Variants in MIIP observed in about 807,000 individuals in gnomAD.
MIIP encodes the protein migration and invasion-inhibitory protein.
A neutral mutation model predicts 44.8 loss-of-function variants in MIIP; 44 were observed. That is an observed-to-expected ratio of 0.98 (90% CI 0.77 to 1.26). The LOEUF is 1.26. Ranked by LOEUF, MIIP falls within the 50% of genes most tolerant of loss-of-function variation. The pLI, the probability that MIIP is intolerant of heterozygous loss-of-function variation, is 0.00. For missense variants in MIIP, 496 were observed against 511.7 expected, an observed-to-expected ratio of 0.97 and a Z score of 0.30; for synonymous variants, 225 against 218.3, an observed-to-expected ratio of 1.03 and a Z score of -0.27.
chr1:12,027,475 C>T (rs1400670150), intron 4 of MIIP, among the ~76,000 whole-genome samples: 2 of 152,176 alleles, frequency 1.3e-5, no homozygotes, highest in Non-Finnish European at 2.9e-5. Context: ...AGCACTTTCT[C>T]CCCTGGACTT....
In MIIP at chr1:12,031,347, G is replaced by T; in HGVS notation, c.1024G>T (p.Val342Phe). The T allele has an allele frequency of 1.2e-6, 2 of 1,613,958 alleles. No individual in the cohort carries two copies. The highest frequency in any genetic ancestry group is 1.7e-6 in the Non-Finnish European group (2 of 1,179,942). Residue 342 changes from valine (V) to phenylalanine (F), a missense_variant, in exon 9 of 10, where the codon GTC becomes TTC. Physicochemically the swap from Val to Phe is conservative, Grantham distance 50. Transcript: ENST00000235332. Reference protein sequence around the residue: ...APRNLDLWSSVSAEAQHQKLS... With the variant: ...APRNLDLWSSFSAEAQHQKLS... ...CAGGAACCTGGACCTCTGGTCCTCTGTCTCCGCTGAGGCCCAGCACCAGAA... is the reference window on the plus strand; with the variant it reads ...CAGGAACCTGGACCTCTGGTCCTCTTTCTCCGCTGAGGCCCAGCACCAGAA...
At chr1:12,022,022 C>T in intron 2 of MIIP, 73 bp from the exon 3 acceptor site, 1 of 1,513,238 alleles carries the variant, frequency 6.6e-7, no homozygotes, top group Non-Finnish European at 9.0e-7. Context: ...GGATGCTTGC[C>T]TTGGTGCCTG....
intron 1 of MIIP, among the ~76,000 whole-genome samples, chr1:12,020,464 T>C (rs867184786): frequency 2.0e-5 from 3 of 152,228 alleles, no homozygotes; most frequent in South Asian, 4.1e-4. Context: ...TGTATACCAC[T>C]GTAAGCACTG....
chr1:12,024,742 C>T (rs1640064514), intron 4 of MIIP, among the ~76,000 whole-genome samples: 2 of 152,134 alleles, frequency 1.3e-5, no homozygotes, highest in East Asian at 1.9e-4. Context: ...GACTGTTAAG[C>T]GGCGTCAACT....
chr1:12,029,122 T>C lies in MIIP; in HGVS notation c.637T>C (p.Cys213Arg), dbSNP rs752755073. 4 of 1,613,582 alleles carry C rather than the reference T, an allele frequency of 2.5e-6. No individual in the cohort carries two copies. Among genetic ancestry groups the C allele is most frequent in the African/African-American group, 2.7e-5 (2 of 74,794 alleles). ...QEFRETNKEECICSHPEPQLP... is the reference protein window; with the variant it reads ...QEFRETNKEERICSHPEPQLP... ...GTTTCGGGAAACCAACAAGGAGGAGTGTATCTGCAGCCATCCTGAGTGAGC... is the reference window on the plus strand; with the variant it reads ...GTTTCGGGAAACCAACAAGGAGGAGCGTATCTGCAGCCATCCTGAGTGAGC... Residue 213 changes from cysteine (C) to arginine (R), a missense_variant, in exon 5 of 10, where the codon TGT becomes CGT. Physicochemically the swap from Cys to Arg is radical, Grantham distance 180. Transcript: ENST00000235332.
intron 4 of MIIP, 62 bp downstream of exon 4, chr1:12,022,979 C>A: frequency 1.5e-6 from 2 of 1,325,018 alleles, no homozygotes; most frequent in Non-Finnish European, 2.1e-6. Flanking sequence ...GGCCTGGGAT[C>A]CTCCATGCTC....
At chr1:12,021,340 G>T (rs1380492206) in intron 1 of MIIP, among the ~76,000 whole-genome samples, 1 of 150,954 alleles carries the variant, frequency 6.6e-6, no homozygotes, top group Non-Finnish European at 1.5e-5. Flanking sequence ...CTTGCAGTGA[G>T]CCGAGATTGC....
rs1404971632 is a variant in MIIP, at chr1:12,021,730, G to T, written c.4G>T (p.Val2Leu). 3.7e-6 allele frequency: 6 copies of T among 1,612,552 alleles called. No individual in the cohort carries two copies. In the African/African-American group the frequency reaches 5.3e-5, roughly 14 times the overall value. The part of the protein sequence containing the change: M[V>L]EAEELAQLRL... ...CACCTGCTGAGAGAGGCCCAGGATG[G>T]TGGAGGCTGAGGAACTGGCACAGCT... is the stretch of plus-strand genomic sequence containing the variant. Residue 2 changes from valine to leucine, a missense_variant, in exon 2 of 10, where the codon GTG becomes TTG. Coordinates refer to ENST00000235332, the MANE Select transcript of MIIP (RefSeq NM_021933.4).
intron 8 of MIIP, among the ~76,000 whole-genome samples, chr1:12,030,484 C>A (rs1027817039): frequency 6.6e-6 from 1 of 151,642 alleles, no homozygotes; most frequent in African/African-American, 2.4e-5. Flanking sequence ...GGTGGGGAGA[C>A]CGAAGCAGAG....
rs777563939 is a variant in MIIP, at chr1:12,024,862, GC to G, written c.547+1948del. Among the ~76,000 whole-genome samples the G allele has an allele frequency of 9.1e-4, 138 of 151,936 alleles. 1 individual carries two copies. The highest frequency in any genetic ancestry group is 2.6e-3 in the Admixed American group (40 of 15,246). On this transcript the variant is annotated intron_variant, in intron 4 of 9. Transcript: ENST00000235332. Reference sequence around the variant, plus strand: ...ATTACTCCCATTCCCCCTCCCTCCAGCCCTGGACAGTCACCATTCTACTTTC... The same window carrying G: ...ATTACTCCCATTCCCCCTCCCTCCAGCCTGGACAGTCACCATTCTACTTTC...
rs1331162639 is a variant in MIIP, at chr1:12,028,405, A to T, written c.548-628A>T. Among the ~76,000 whole-genome samples, 2 of 151,566 alleles carry T rather than the reference A, an allele frequency of 1.3e-5. 1 individual carries two copies. Among genetic ancestry groups the T allele is most frequent in the Admixed American group, 1.3e-4 (2 of 15,230 alleles). ...GACCCTCCCTGGGCTTCTTAACCTC[A>T]TCTCCTCCACCCTCGCTGCCTTCCT... is the stretch of plus-strand genomic sequence containing the variant. On this transcript the variant is annotated intron_variant, in intron 4 of 9. Coordinates refer to ENST00000235332, the MANE Select transcript of MIIP (RefSeq NM_021933.4).
chr1:12,031,763 A>G lies in MIIP; in HGVS notation c.1122A>G (p.Ser374=). The G allele has an allele frequency of 6.2e-7, 1 of 1,613,958 alleles. No individual in the cohort carries two copies. The highest frequency in any genetic ancestry group is 1.1e-5 in the South Asian group (1 of 91,074). ...TGCTGCCCCCGACCCCGACCTGGTC[A>G]GTGCCCCAGGTCCCTCGGCCCCACG... is the stretch of plus-strand genomic sequence containing the variant. ...MQMLPPTPTW[S]VPQVPRPHVP... is the part of the protein sequence containing the mutation. Residue 374 remains serine (S), a synonymous_variant, in exon 10 of 10, where the codon TCA becomes TCG. Transcript: ENST00000235332.
intron 3 of MIIP, 23 bp downstream of exon 3, chr1:12,022,465 C>T (rs1640004190): frequency 6.7e-7 from 1 of 1,483,472 alleles, no homozygotes; most frequent in Non-Finnish European, 9.0e-7. Context: ...AGCGGGACAT[C>T]TGCTGATGGG....
chr1:12,029,949 T>C, intron 7 of MIIP, 55 bp downstream of exon 7: 1 of 1,608,804 alleles, frequency 6.2e-7, no homozygotes, highest in Non-Finnish European at 8.5e-7. Context: ...ACCACTGGTT[T>C]TAAGAAAAGA....
At chr1:12,028,549 C>T (rs1218265802) in intron 4 of MIIP, among the ~76,000 whole-genome samples, 1 of 152,164 alleles carries the variant, frequency 6.6e-6, no homozygotes, top group Non-Finnish European at 1.5e-5. Flanking sequence ...TGTGGCTTCT[C>T]CATGTCTCTG....
intron 2 of MIIP, 82 bp from the exon 3 acceptor site, chr1:12,022,013 G>A: frequency 6.8e-7 from 1 of 1,469,930 alleles, no homozygotes; most frequent in Non-Finnish European, 9.4e-7. Flanking sequence ...GCAGGATGAG[G>A]ATGCTTGCCT....
chr1:12,028,645 C>A, intron 4 of MIIP: 1 of 176,556 alleles, frequency 5.7e-6, no homozygotes, highest in South Asian at 1.3e-4. Flanking sequence ...TGCTTTCTGG[C>A]AGGTATCAGC....
rs1468198538 is a variant in MIIP, at chr1:12,031,303, CTG to C, written c.981_982del (p.Ser330LeufsTer15). 4 of 1,613,864 alleles carry C rather than the reference CTG, an allele frequency of 2.5e-6. No homozygotes were observed. Among genetic ancestry groups the C allele is most frequent in the Non-Finnish European group, 3.4e-6 (4 of 1,179,926 alleles). On this transcript the variant is annotated frameshift_variant, in exon 9 of 10. Coordinates refer to ENST00000235332, the MANE Select transcript of MIIP (RefSeq NM_021933.4). LOFTEE classifies it high-confidence loss of function. ...GGCTGGGACATTTTTCCTCCGAAGT[CTG>C]AGAAAAGCTCAGCCCCCAGGAACCT...
intron 4 of MIIP, among the ~76,000 whole-genome samples, chr1:12,024,286 TG>T (rs1180598445): frequency 7.9e-5 from 12 of 152,194 alleles, no homozygotes; most frequent in African/African-American, 2.7e-4. Context: ...TTCACGTTAT[TG>T]TCCAGCTCTC....
Sources: allele counts gnomAD v4.1 joint callset (sites outside exome capture counted in the v4.1 genomes callset), GRCh38; gene constraint gnomAD v4.1.1; transcripts MANE v1.5; gene names NCBI Gene and HGNC (gene_info 2026-07-23, HGNC 2026-07-21).